Variants in ARB2A observed in about 807,000 individuals in gnomAD.
ARB2A encodes the protein cotranscriptional regulator ARB2A.
At chr5:93,966,442 T>C in the ARB2A span, among the ~76,000 whole-genome samples, 2 of 152,056 alleles carry the variant, frequency 1.3e-5, no homozygotes, top group African/African-American at 4.8e-5. Flanking sequence ...TACAGGATAA[T>C]ATAAAACAAT....
chr5:93,699,762 G>A, the ARB2A span, among the ~76,000 whole-genome samples: 1 of 151,708 alleles, frequency 6.6e-6, no homozygotes, highest in Non-Finnish European at 1.5e-5. Flanking sequence ...TTCAAGTTAC[G>A]TGAATTCTAA....
the ARB2A span, among the ~76,000 whole-genome samples, chr5:94,025,901 G>C: frequency 6.6e-6 from 1 of 152,174 alleles, no homozygotes; most frequent in Non-Finnish European, 1.5e-5. Flanking sequence ...CACCCAGCCT[G>C]CACTCTGGCA....
chr5:93,857,123 G>C, the ARB2A span, among the ~76,000 whole-genome samples: 1 of 152,150 alleles, frequency 6.6e-6, no homozygotes, highest in Admixed American at 6.5e-5. Flanking sequence ...GAATGCTGCT[G>C]TCTGATCGTT....
At chr5:93,866,519 G>C in the ARB2A span, among the ~76,000 whole-genome samples, 1 of 152,024 alleles carries the variant, frequency 6.6e-6, no homozygotes, top group African/African-American at 2.4e-5. Context: ...GAATATGAAT[G>C]GAGAGAAAAA....
At chr5:93,979,061 T>C in the ARB2A span, among the ~76,000 whole-genome samples, 127 of 152,242 alleles carry the variant, frequency 8.3e-4, no homozygotes, top group African/African-American at 2.8e-3. Flanking sequence ...ATACCCCACA[T>C]ACCCTGTCTT....
the ARB2A span, among the ~76,000 whole-genome samples, chr5:93,992,317 G>T: frequency 6.6e-6 from 1 of 152,002 alleles, no homozygotes; most frequent in Non-Finnish European, 1.5e-5. Flanking sequence ...CAGATATAGA[G>T]AGAAGTAGAA....
At chr5:94,005,754 C>T in the ARB2A span, among the ~76,000 whole-genome samples, 5 of 152,140 alleles carry the variant, frequency 3.3e-5, no homozygotes, top group Non-Finnish European at 7.4e-5. Context: ...GAATAGGATA[C>T]ACAGGTGTTG....
the ARB2A span, among the ~76,000 whole-genome samples, chr5:93,718,686 TAACAAC>T: frequency 2.6e-5 from 4 of 152,162 alleles, no homozygotes; most frequent in Admixed American, 2.6e-4. Context: ...TGTCTAATTG[TAACAAC>T]AACAACAACA....
At chr5:93,982,268 C>A in the ARB2A span, among the ~76,000 whole-genome samples, 2 of 152,062 alleles carry the variant, frequency 1.3e-5, no homozygotes, top group African/African-American at 4.8e-5. Flanking sequence ...AAATTCCTTG[C>A]GCTGATGTCA....
At chr5:93,625,571 C>T in the ARB2A span, among the ~76,000 whole-genome samples, 1 of 152,100 alleles carries the variant, frequency 6.6e-6, no homozygotes, top group Admixed American at 6.5e-5. Flanking sequence ...AATGAAAATA[C>T]TACCCTGAAT....
the ARB2A span, among the ~76,000 whole-genome samples, chr5:94,001,469 G>A: frequency 6.6e-6 from 1 of 151,666 alleles, no homozygotes; most frequent in East Asian, 1.9e-4. Flanking sequence ...ATCATTTGTA[G>A]TTGCCCCATG....
the ARB2A span, among the ~76,000 whole-genome samples, chr5:93,788,656 G>T: frequency 2.6e-5 from 4 of 152,082 alleles, no homozygotes; most frequent in African/African-American, 7.2e-5. Context: ...ATGACTTTCC[G>T]CAAAGGAAAA....
At chr5:93,865,754 GAACAA>G in the ARB2A span, 21 of 985,328 alleles carry the variant, frequency 2.1e-5, no homozygotes, top group Non-Finnish European at 2.5e-5. Flanking sequence ...GGAAATAAAG[GAACAA>G]AACTGACTAT....
chr5:94,078,704 A>G, the ARB2A span, among the ~76,000 whole-genome samples: 4 of 152,138 alleles, frequency 2.6e-5, no homozygotes, highest in Non-Finnish European at 5.9e-5. Context: ...CAATCCAAGT[A>G]TATCTAAAAT....
the ARB2A span, among the ~76,000 whole-genome samples, chr5:93,925,292 G>A: frequency 5.9e-5 from 9 of 152,106 alleles, no homozygotes; most frequent in South Asian, 2.1e-4. Context: ...AGCATTGTAC[G>A]AGACTATGAT....
chr5:93,697,761 C>CT, the ARB2A span, among the ~76,000 whole-genome samples: 2 of 152,188 alleles, frequency 1.3e-5, no homozygotes, highest in South Asian at 4.1e-4. Flanking sequence ...AAAAAATAAA[C>CT]TTTTTTATTG....
At chr5:93,835,483 T>C in the ARB2A span, among the ~76,000 whole-genome samples, 1 of 152,226 alleles carries the variant, frequency 6.6e-6, no homozygotes, top group Admixed American at 6.5e-5. Flanking sequence ...AAACTTACAA[T>C]TGATTTTAGA....
the ARB2A span, among the ~76,000 whole-genome samples, chr5:93,902,665 TAGTTAAG>T: frequency 1.3e-5 from 2 of 152,120 alleles, no homozygotes; most frequent in Non-Finnish European, 2.9e-5. Context: ...AGTAGCAGAT[TAGTTAAG>T]AGTATCAGAT....
the ARB2A span, among the ~76,000 whole-genome samples, chr5:93,729,260 G>A: frequency 2.0e-5 from 3 of 151,944 alleles, no homozygotes; most frequent in Non-Finnish European, 4.4e-5. Context: ...AACACTGGCC[G>A]CTTGGTGATG....
Sources: gnomAD v4.1 joint callset for allele counts (sites outside exome capture counted in the v4.1 genomes callset) on GRCh38, gnomAD v4.1.1 for gene constraint, MANE v1.5 for transcripts, NCBI Gene and HGNC (gene_info 2026-07-23, HGNC 2026-07-21) for gene names.